The following CDH6 variants were observed in gnomAD, a reference collection of about 807,000 sequenced individuals.
The protein encoded by CDH6 is cadherin-6.
A neutral mutation model predicts 78.0 loss-of-function variants in CDH6; 31 were observed. The observed-to-expected ratio is 0.40, with a 90% CI of 0.30 to 0.54. The LOEUF is 0.54. Ranked by LOEUF, CDH6 falls within the 20% of genes least tolerant of loss-of-function variation. CDH6 has a pLI of 0.56. For missense variants in CDH6, 724 were observed against 975.9 expected, an observed-to-expected ratio of 0.74 and a Z score of 3.44; for synonymous variants, 376 against 368.8, an observed-to-expected ratio of 1.02 and a Z score of -0.23.
intron 1 of CDH6, among the ~76,000 whole-genome samples, chr5:31,244,534 G>A (rs1197710032): frequency 6.6e-6 from 1 of 151,982 alleles, no homozygotes; most frequent in Admixed American, 6.5e-5. Context: ...AGGGAAAGCA[G>A]ACAAGAACTG....
chr5:31,195,988 C>G (rs1740152796), intron 1 of CDH6, among the ~76,000 whole-genome samples: 1 of 152,202 alleles, frequency 6.6e-6, no homozygotes. Context: ...AAGAAAGTGA[C>G]AGTTTGGTAT....
intron 1 of CDH6, among the ~76,000 whole-genome samples, chr5:31,260,282 G>A (rs1370978400): frequency 6.6e-6 from 1 of 152,100 alleles, no homozygotes; most frequent in Non-Finnish European, 1.5e-5. Flanking sequence ...ACACAAATTG[G>A]TCCCCTCTTT....
At chr5:31,232,931 T>A (rs992958225) in intron 1 of CDH6, among the ~76,000 whole-genome samples, 6 of 152,180 alleles carry the variant, frequency 3.9e-5, no homozygotes, top group African/African-American at 1.4e-4. Flanking sequence ...GTTGTACAGA[T>A]GAAGAAACTG....
intron 1 of CDH6, among the ~76,000 whole-genome samples, chr5:31,243,622 G>A (rs1464783999): frequency 6.6e-6 from 1 of 152,104 alleles, no homozygotes; most frequent in African/African-American, 2.4e-5. Context: ...AAGCTTGCCT[G>A]CTTGACACTT....
intron 1 of CDH6, among the ~76,000 whole-genome samples, chr5:31,205,807 A>G (rs1740501618): frequency 1.3e-5 from 2 of 152,204 alleles, no homozygotes; most frequent in Admixed American, 1.3e-4. Flanking sequence ...CTTAAGGATT[A>G]AAAATAAGAA....
chr5:31,307,881 G>A (rs1738031512), intron 7 of CDH6, among the ~76,000 whole-genome samples: 1 of 152,168 alleles, frequency 6.6e-6, no homozygotes, highest in East Asian at 1.9e-4. Context: ...TCTGTTTTAT[G>A]AAAGAAAGTA....
chr5:31,321,646 T>C (rs1471733091), intron 11 of CDH6, among the ~76,000 whole-genome samples: 1 of 152,162 alleles, frequency 6.6e-6, no homozygotes, highest in Non-Finnish European at 1.5e-5. Context: ...TATAGATACA[T>C]GGGTGTGCCT....
intron 8 of CDH6, among the ~76,000 whole-genome samples, chr5:31,314,619 C>T (rs965778514): frequency 1.3e-5 from 2 of 151,860 alleles, no homozygotes; most frequent in Admixed American, 6.6e-5. Flanking sequence ...GGAATTTGCT[C>T]TTCAGAATTT....
chr5:31,199,683 G>GTGTA (rs1472221898), intron 1 of CDH6, among the ~76,000 whole-genome samples: 2 of 59,666 alleles, frequency 3.4e-5, no homozygotes, highest in African/African-American at 5.7e-5. Flanking sequence ...GTGTGTGTGT[G>GTGTA]TGTATATATA....
intron 1 of CDH6, among the ~76,000 whole-genome samples, chr5:31,199,687 A>ATG (rs1330458529): frequency 1.1e-4 from 7 of 65,180 alleles, no homozygotes; most frequent in Non-Finnish European, 2.2e-4. Context: ...GTGTGTGTGT[A>ATG]TATATATATA....
intron 1 of CDH6, among the ~76,000 whole-genome samples, chr5:31,258,621 G>A (rs1012526928): frequency 2.6e-5 from 4 of 151,588 alleles, no homozygotes; most frequent in Non-Finnish European, 5.9e-5. Flanking sequence ...GTGTACCCCA[G>A]AACTTAAAGT....
At chr5:31,265,026 C>G (rs12188148) in intron 1 of CDH6, among the ~76,000 whole-genome samples, 38,249 of 152,194 alleles carry the variant, frequency 0.25, 6,043 homozygotes, top group Non-Finnish European at 0.35. Context: ...ATCCCTCTTT[C>G]CTGCCAGCAC....
Position 31,267,718 on chromosome 5 carries a change from T to C in CDH6, c.228+17T>C, listed in dbSNP as rs773229922. ...GTGGGCAAGGTAGGATTCCTTTGAG[T>C]GCTTTGACATTCTGGGTTTAAAGCC... On this transcript the variant is annotated intron_variant, in intron 2 of 11. Coordinates refer to ENST00000265071, the MANE Select transcript of CDH6 (RefSeq NM_004932.4). 6.3e-7 allele frequency: 1 copy of C among 1,578,924 alleles called. No homozygotes were observed. The highest frequency in any genetic ancestry group is 2.2e-5 in the East Asian group (1 of 44,702).
chr5:31,320,992 A>C (rs1345684113), intron 11 of CDH6, among the ~76,000 whole-genome samples: 1 of 151,888 alleles, frequency 6.6e-6, no homozygotes, highest in African/African-American at 2.4e-5. Context: ...AAAAAAAAAA[A>C]AAAACTGTGC....
intron 11 of CDH6, chr5:31,318,681 A>G (rs1015407061): frequency 1.3e-5 from 3 of 229,350 alleles, no homozygotes; most frequent in African/African-American, 6.6e-5. Context: ...TAAGAAATCA[A>G]ATATTTGTTA....
At chr5:31,301,355 G>A (rs1472149148) in intron 5 of CDH6, among the ~76,000 whole-genome samples, 1 of 152,038 alleles carries the variant, frequency 6.6e-6, no homozygotes, top group Non-Finnish European at 1.5e-5. Context: ...TTATATTTTT[G>A]GTGCTAAGTA....
At chr5:31,308,600 G>A (rs540102632) in intron 7 of CDH6, among the ~76,000 whole-genome samples, 1 of 152,182 alleles carries the variant, frequency 6.6e-6, no homozygotes, top group East Asian at 1.9e-4. Context: ...AGCAAGGCTT[G>A]TGTACAAGCA....
At chr5:31,210,104 G>GTGTT (rs1282558389) in intron 1 of CDH6, among the ~76,000 whole-genome samples, 1 of 151,928 alleles carries the variant, frequency 6.6e-6, no homozygotes, top group Non-Finnish European at 1.5e-5. Flanking sequence ...GTGTGTGTGT[G>GTGTT]TGTGTTTGCA....
At chr5:31,244,008 T>C (rs1741677776) in intron 1 of CDH6, among the ~76,000 whole-genome samples, 1 of 152,230 alleles carries the variant, frequency 6.6e-6, no homozygotes, top group South Asian at 2.1e-4. Flanking sequence ...ACAGTCTTGT[T>C]TTTATGGCCA....
Sources: gnomAD v4.1 joint callset for allele counts (sites outside exome capture counted in the v4.1 genomes callset) on GRCh38, gnomAD v4.1.1 for gene constraint, MANE v1.5 for transcripts, NCBI Gene and HGNC (gene_info 2026-07-23, HGNC 2026-07-21) for gene names.